The following ARHGAP24 variants were observed in gnomAD, a reference collection of about 807,000 sequenced individuals.
ARHGAP24 encodes rho GTPase-activating protein 24.
Under a neutral mutation model 76.4 loss-of-function variants are expected in ARHGAP24, and 50 were observed. The observed-to-expected ratio is 0.65, with a 90% CI of 0.52 to 0.83. ARHGAP24 has a LOEUF of 0.83. Among genes scored for constraint, ARHGAP24 ranks in the 40% least tolerant of loss-of-function variants. The probability of loss-of-function intolerance (pLI) is 0.00; values close to 1 mark genes in which losing one functional copy is unlikely to be tolerated. For synonymous variants in ARHGAP24, 345 were observed against 323.3 expected (o/e 1.07, Z -0.72); for missense variants, 930 against 914.2 (o/e 1.02, Z -0.22).
At chr4:85,731,622 C>A (rs923608878) in intron 3 of ARHGAP24, among the ~76,000 whole-genome samples, 2 of 152,088 alleles carry the variant, frequency 1.3e-5, no homozygotes, top group Non-Finnish European at 2.9e-5. Flanking sequence ...AGACTCTACA[C>A]GATTTTAAAA....
At chr4:85,949,811 C>T (rs1186640538) in intron 5 of ARHGAP24, among the ~76,000 whole-genome samples, 1 of 152,176 alleles carries the variant, frequency 6.6e-6, no homozygotes, top group Non-Finnish European at 1.5e-5. Flanking sequence ...TCAACAGTCA[C>T]GTCTGTGAAC....
chr4:85,511,850 G>A (rs551492948), intron 1 of ARHGAP24, among the ~76,000 whole-genome samples: 63 of 152,296 alleles, frequency 4.1e-4, no homozygotes, highest in South Asian at 3.1e-3. Context: ...GCCTGTGGGG[G>A]AATCCTTCCT....
At chr4:85,928,956 G>A (rs781257837) in intron 4 of ARHGAP24, among the ~76,000 whole-genome samples, 2 of 152,210 alleles carry the variant, frequency 1.3e-5, no homozygotes, top group African/African-American at 4.8e-5. Context: ...AAGAGGCAAC[G>A]TGGTCAGGCA....
intron 9 of ARHGAP24, among the ~76,000 whole-genome samples, chr4:85,997,489 G>T (rs1267901441): frequency 1.3e-5 from 2 of 151,978 alleles, no homozygotes; most frequent in African/African-American, 4.8e-5. Context: ...AGTATTGAGG[G>T]TGGATGGATG....
At chr4:85,577,072 T>G (rs1727407949) in intron 2 of ARHGAP24, among the ~76,000 whole-genome samples, 1 of 151,648 alleles carries the variant, frequency 6.6e-6, no homozygotes, top group African/African-American at 2.4e-5. Context: ...TTTTATAAAT[T>G]AATATGAGAA....
chr4:85,899,411 C>T (rs1460007144), intron 3 of ARHGAP24, among the ~76,000 whole-genome samples: 1 of 152,124 alleles, frequency 6.6e-6, no homozygotes, highest in Admixed American at 6.5e-5. Flanking sequence ...TGTTGCTTTA[C>T]CCACACATTT....
At chr4:85,913,749 A>T (rs1735214939) in intron 3 of ARHGAP24, among the ~76,000 whole-genome samples, 1 of 152,198 alleles carries the variant, frequency 6.6e-6, no homozygotes. Context: ...AAATGAATCA[A>T]AGGATATAAA....
intron 1 of ARHGAP24, among the ~76,000 whole-genome samples, chr4:85,535,823 T>C (rs1725446838): frequency 1.3e-5 from 2 of 152,190 alleles, no homozygotes; most frequent in Non-Finnish European, 2.9e-5. Context: ...TTCTTCACTA[T>C]TGATGTTCTT....
intron 8 of ARHGAP24, among the ~76,000 whole-genome samples, chr4:85,979,200 G>A (rs1249173019): frequency 6.6e-6 from 1 of 152,112 alleles, no homozygotes; most frequent in Non-Finnish European, 1.5e-5. Flanking sequence ...TTAATCAGGA[G>A]ACACATAATG....
intron 2 of ARHGAP24, among the ~76,000 whole-genome samples, chr4:85,633,835 G>T: frequency 6.6e-6 from 1 of 151,814 alleles, no homozygotes; most frequent in Non-Finnish European, 1.5e-5. Flanking sequence ...TCTGAGTTTT[G>T]CAGATTGCCT....
chr4:85,709,652 C>A (rs919501109), intron 2 of ARHGAP24, among the ~76,000 whole-genome samples: 10 of 152,136 alleles, frequency 6.6e-5, no homozygotes, highest in African/African-American at 2.4e-4. Flanking sequence ...ATAAGGAAAT[C>A]TCCTTCACCT....
At chr4:85,993,422 G>A (rs188391088) in intron 8 of ARHGAP24, among the ~76,000 whole-genome samples, 83 of 152,166 alleles carry the variant, frequency 5.5e-4, no homozygotes, top group Middle Eastern at 6.8e-3. Flanking sequence ...ATATGCAGTC[G>A]AAAATATTAT....
At chr4:85,736,383 A>G (rs551951053) in intron 3 of ARHGAP24, among the ~76,000 whole-genome samples, 4 of 152,336 alleles carry the variant, frequency 2.6e-5, no homozygotes, top group East Asian at 1.9e-4. Flanking sequence ...AAAGAAAGAA[A>G]GAAAGAAGGA....
intron 2 of ARHGAP24, among the ~76,000 whole-genome samples, chr4:85,659,375 T>A (rs906600533): frequency 1.3e-5 from 2 of 152,220 alleles, no homozygotes; most frequent in African/African-American, 4.8e-5. Context: ...TACAATATCA[T>A]AAAGTAAAAA....
intron 2 of ARHGAP24, among the ~76,000 whole-genome samples, chr4:85,587,371 C>G (rs1027634490): frequency 1.3e-5 from 2 of 152,084 alleles, no homozygotes; most frequent in African/African-American, 4.8e-5. Flanking sequence ...TTCAGTTGCC[C>G]CTGTGCTATA....
chr4:85,964,398 A>G (rs1450868105), intron 5 of ARHGAP24, among the ~76,000 whole-genome samples: 1 of 152,168 alleles, frequency 6.6e-6, no homozygotes, highest in East Asian at 1.9e-4. Flanking sequence ...AACATCTAAA[A>G]ATTCAGTGGA....
chr4:85,913,245 A>G (rs1181734394), intron 3 of ARHGAP24, among the ~76,000 whole-genome samples: 1 of 151,786 alleles, frequency 6.6e-6, no homozygotes, highest in Non-Finnish European at 1.5e-5. Context: ...AACACATTCC[A>G]GGCAGAATTT....
chr4:85,834,969 G>A (rs1730184538), intron 3 of ARHGAP24, among the ~76,000 whole-genome samples: 1 of 152,154 alleles, frequency 6.6e-6, no homozygotes, highest in Non-Finnish European at 1.5e-5. Flanking sequence ...TAATGACTAA[G>A]TATCAGAATA....
chr4:85,675,449 C>A (rs1366125980), intron 2 of ARHGAP24, among the ~76,000 whole-genome samples: 1 of 152,186 alleles, frequency 6.6e-6, no homozygotes, highest in Non-Finnish European at 1.5e-5. Context: ...AACAGAAGGG[C>A]AGAATGGTTA....
Sources: gnomAD v4.1 joint callset for allele counts (sites outside exome capture counted in the v4.1 genomes callset) on GRCh38, gnomAD v4.1.1 for gene constraint, MANE v1.5 for transcripts, NCBI Gene and HGNC (gene_info 2026-07-23, HGNC 2026-07-21) for gene names.